The following C1orf94 variants were observed in gnomAD, a reference collection of about 807,000 sequenced individuals.
The protein encoded by C1orf94 is chromosome 1 open reading frame 94.
A neutral mutation model predicts 53.6 loss-of-function variants in C1orf94; 45 were observed. The observed-to-expected ratio is 0.84, with a 90% CI of 0.66 to 1.08. C1orf94 has a LOEUF of 1.08. C1orf94 is among the 50% of genes least tolerant of loss of function. The pLI is 0.00. For missense variants in C1orf94, 762 were observed against 738.9 expected (o/e 1.03, Z -0.36); for synonymous variants, 304 against 296.1 (o/e 1.03, Z -0.27).
intron 1 of C1orf94, among the ~76,000 whole-genome samples, chr1:34,168,626 C>T (rs1471619809): frequency 1.3e-5 from 2 of 152,168 alleles, no homozygotes; most frequent in African/African-American, 2.4e-5. Context: ...GGCTGGAAGT[C>T]CAAGATCAAG....
chr1:34,174,355 T>C (rs1229542334), upstream of C1orf94, among the ~76,000 whole-genome samples: 1 of 152,238 alleles, frequency 6.6e-6, no homozygotes, highest in East Asian at 1.9e-4. Flanking sequence ...TGGTTAGTAA[T>C]AGAACATCTG....
At position 34,196,688 on chromosome 1, in the gene C1orf94, C is replaced by T. The variant is rs192570497; in HGVS notation, c.321-537C>T. ...CTGAACAACCTGCCCAGGGTCACACCGATGGGAGTTGACTGGATCAGGGTG... is the reference window on the plus strand; with the variant it reads ...CTGAACAACCTGCCCAGGGTCACACTGATGGGAGTTGACTGGATCAGGGTG... On this transcript the variant is annotated intron_variant, in intron 1 of 6. Transcript: ENST00000488417. Among the ~76,000 whole-genome samples, 52 of 152,202 alleles carry T rather than the reference C, an allele frequency of 3.4e-4. 1 individual carries two copies. Among genetic ancestry groups the T allele is most frequent in the Non-Finnish European group, 5.1e-4 (35 of 68,004 alleles).
In C1orf94 at chr1:34,197,519, T is replaced by C. The variant is rs757273612; in HGVS notation, c.615T>C (p.Ser205=). 1.2e-6 allele frequency: 2 copies of C among 1,614,026 alleles called. No homozygotes were observed. The highest frequency in any genetic ancestry group is 1.7e-6 in the Non-Finnish European group (2 of 1,180,038). Residue 205 remains serine, a synonymous_variant, in exon 2 of 7, where the codon TCT becomes TCC. Transcript: ENST00000488417. This position sits in a 1 kb window ranked among gnomAD's most constrained non-coding sequence, Gnocchi z 4.1. ...SSRQDCDSAT[S]TVTDILCAAE... is the part of the protein sequence containing the mutation. ...GGCAGGACTGTGATTCTGCCACTTC[T>C]ACTGTCACAGACATTCTGTGTGCCG...
At chr1:34,217,352 T>G (rs1214333890) in intron 6 of C1orf94, among the ~76,000 whole-genome samples, 4 of 152,214 alleles carry the variant, frequency 2.6e-5, no homozygotes, top group African/African-American at 9.7e-5. Flanking sequence ...ATATGAGCTG[T>G]GTCATGATCA....
In C1orf94 at chr1:34,212,411, G is replaced by C. The variant is rs553268555; in HGVS notation, c.1721+5G>C. The C allele has an allele frequency of 2.5e-6, 4 of 1,607,956 alleles. No individual in the cohort carries two copies. Among genetic ancestry groups the C allele is most frequent in the Non-Finnish European group, 3.4e-6 (4 of 1,177,056 alleles). ...CCTCTTTCCCCAAGGATATGGGTGA[G>C]TCAGCCCACACTGGGAGCCTAAGGG... On this transcript the variant is annotated splice_donor_5th_base_variant and intron_variant, in intron 6 of 6. Transcript: ENST00000488417.
chr1:34,178,968 T>A (rs1642272804), intron 1 of C1orf94, among the ~76,000 whole-genome samples: 4 of 152,238 alleles, frequency 2.6e-5, no homozygotes, highest in Non-Finnish European at 5.9e-5. Flanking sequence ...GGATTAAGTG[T>A]TAATAATTAA....
At chr1:34,188,318 T>C (rs1642419625) in intron 1 of C1orf94, among the ~76,000 whole-genome samples, 1 of 152,174 alleles carries the variant, frequency 6.6e-6, no homozygotes, top group Non-Finnish European at 1.5e-5. Flanking sequence ...GGAAGGAGAT[T>C]GACCTTTATT....
At chr1:34,212,161 T>G in intron 5 of C1orf94, 49 bp from the exon 6 acceptor site, 33 of 1,484,560 alleles carry the variant, frequency 2.2e-5, no homozygotes, top group South Asian at 1.9e-4. Context: ...GGGGTTAGAG[T>G]TGGGCTGGGG....
At chr1:34,171,598 T>C (rs61769841) in intron 1 of C1orf94, among the ~76,000 whole-genome samples, 31,434 of 152,182 alleles carry the variant, frequency 0.21, 3,489 homozygotes, top group Admixed American at 0.31. Context: ...TTTAATGTTA[T>C]GCTGTCTTCA....
chr1:34,171,506 T>C (rs1293361202), intron 1 of C1orf94, among the ~76,000 whole-genome samples: 9 of 152,186 alleles, frequency 5.9e-5, no homozygotes, highest in African/African-American at 2.2e-4. Flanking sequence ...TGCTCAGTAC[T>C]GTTTGTGGAA....
Position 34,197,609 on chromosome 1 carries a change from A to C in C1orf94, c.705A>C (p.Gln235His). ...GCATCCTAGGTGACTCCAACTTGCAAGTCAGCAAGCTTCTGTCCCAGTTCC... is the reference window on the plus strand; with the variant it reads ...GCATCCTAGGTGACTCCAACTTGCACGTCAGCAAGCTTCTGTCCCAGTTCC... Reference protein sequence around the residue: ...RGRILGDSNLQVSKLLSQFPL... With the variant: ...RGRILGDSNLHVSKLLSQFPL... Residue 235 changes from glutamine to histidine, a missense_variant, in exon 2 of 7, where the codon CAA becomes CAC. Transcript: ENST00000488417. The surrounding 1 kb of genome is among the most constrained non-coding windows in gnomAD (Gnocchi z 4.1). 6.2e-7 allele frequency: 1 copy of C among 1,614,152 alleles called. No homozygotes were observed. Among genetic ancestry groups the C allele is most frequent in the Non-Finnish European group, 8.5e-7 (1 of 1,180,010 alleles).
intron 5 of C1orf94, among the ~76,000 whole-genome samples, chr1:34,211,741 G>A (rs904461774): frequency 2.0e-5 from 3 of 152,072 alleles, no homozygotes; most frequent in African/African-American, 7.2e-5. Flanking sequence ...GGGCTGTCTC[G>A]GACTTGCAAT....
chr1:34,206,464 G>A, intron 4 of C1orf94, among the ~76,000 whole-genome samples: 1 of 152,230 alleles, frequency 6.6e-6, no homozygotes. Flanking sequence ...CAAAAATGGT[G>A]ACATGGAATG....
At chr1:34,207,508 C>A (rs1048940201) in intron 4 of C1orf94, among the ~76,000 whole-genome samples, 1 of 152,142 alleles carries the variant, frequency 6.6e-6, no homozygotes, top group Non-Finnish European at 1.5e-5. Context: ...CCTCACAGTG[C>A]CCCTCTCCGT....
At chr1:34,182,631 G>C (rs533944881) in intron 1 of C1orf94, among the ~76,000 whole-genome samples, 2 of 152,236 alleles carry the variant, frequency 1.3e-5, no homozygotes, top group South Asian at 4.1e-4. Flanking sequence ...TGAGCCAATG[G>C]ACCTACTCAT....
chr1:34,197,540 T>C lies in C1orf94; in HGVS notation c.636T>C (p.Cys212=), dbSNP rs1167334258. 1 of 1,613,960 alleles carries C rather than the reference T, an allele frequency of 6.2e-7. No individual in the cohort carries two copies. Among genetic ancestry groups the C allele is most frequent in the African/African-American group, 1.3e-5 (1 of 74,896 alleles). Residue 212 remains cysteine, a synonymous_variant, in exon 2 of 7, where the codon TGT becomes TGC. Coordinates refer to ENST00000488417, the MANE Select transcript of C1orf94 (RefSeq NM_001134734.2). This position sits in a 1 kb window ranked among gnomAD's most constrained non-coding sequence, Gnocchi z 4.1. ...CTTCTACTGTCACAGACATTCTGTG[T>C]GCCGCCGAGGTCAAGAGCAGCAAGG... ...SATSTVTDIL[C]AAEVKSSKGT...
At chr1:34,198,175 G>A (rs1264774823) in intron 2 of C1orf94, among the ~76,000 whole-genome samples, 1 of 152,234 alleles carries the variant, frequency 6.6e-6, no homozygotes, top group African/African-American at 2.4e-5. Context: ...AGAAATAGGC[G>A]CCATGTAGTA....
chr1:34,196,785 C>T (rs1271636317), intron 1 of C1orf94, among the ~76,000 whole-genome samples: 1 of 152,130 alleles, frequency 6.6e-6, no homozygotes, highest in African/African-American at 2.4e-5. Flanking sequence ...TGGGGGCTTC[C>T]CAGGGCTCAG....
chr1:34,185,459 C>T (rs370041886), intron 1 of C1orf94, among the ~76,000 whole-genome samples: 22 of 152,222 alleles, frequency 1.4e-4, no homozygotes, highest in African/African-American at 1.7e-4. Context: ...GGATTATAGG[C>T]GTGAGCCCTT....
Sources: gnomAD v4.1 joint callset for allele counts (sites outside exome capture counted in the v4.1 genomes callset) on GRCh38, gnomAD v4.1.1 for gene constraint, Gnocchi (gnomAD v3.1) non-coding constraint, MANE v1.5 for transcripts, NCBI Gene and HGNC (gene_info 2026-07-23, HGNC 2026-07-21) for gene names.